STK32A: variants seen among roughly 807,000 people sequenced by gnomAD.
The protein encoded by STK32A is serine/threonine kinase 32A.
In STK32A, 41 loss-of-function variants were observed where a neutral mutation model predicts 53.2. That is an observed-to-expected ratio of 0.77 (90% CI 0.60 to 1.00). The LOEUF is 1.00. STK32A is among the 50% of genes least tolerant of loss of function. STK32A has a pLI of 0.00. For missense variants in STK32A, 458 were observed against 485.8 expected (o/e 0.94, Z 0.54); for synonymous variants, 166 against 162.8 (o/e 1.02, Z -0.15).
intron 4 of STK32A, among the ~76,000 whole-genome samples, chr5:147,305,059 G>A (rs1366394010): frequency 6.6e-6 from 1 of 152,014 alleles, no homozygotes; most frequent in South Asian, 2.1e-4. Flanking sequence ...ACTCCAGCCT[G>A]GGTGACAGGG....
chr5:147,308,601 C>G (rs1315170713), intron 4 of STK32A, among the ~76,000 whole-genome samples: 1 of 152,114 alleles, frequency 6.6e-6, no homozygotes, highest in African/African-American at 2.4e-5. Context: ...ATCTTTGTCT[C>G]TTTTTCCCGA....
At chr5:147,249,588 AT>A (rs1362797403) in intron 2 of STK32A, among the ~76,000 whole-genome samples, 1 of 151,990 alleles carries the variant, frequency 6.6e-6, no homozygotes, top group Admixed American at 6.6e-5. Context: ...TAGAGAACTC[AT>A]TTAAGTTGCT....
chr5:147,325,329 A>G (rs1177954871), intron 5 of STK32A, among the ~76,000 whole-genome samples: 1 of 151,638 alleles, frequency 6.6e-6, no homozygotes, highest in Non-Finnish European at 1.5e-5. Flanking sequence ...ATATATATAT[A>G]TATTAGAGAG....
intron 8 of STK32A, among the ~76,000 whole-genome samples, chr5:147,364,713 T>C (rs2152000075): frequency 6.6e-6 from 1 of 152,286 alleles, no homozygotes. Context: ...GAGAGAGAGA[T>C]AATCTCTTTC....
At chr5:147,400,042 C>G in the STK32A span, among the ~76,000 whole-genome samples, 7 of 151,196 alleles carry the variant, frequency 4.6e-5, no homozygotes, top group African/African-American at 1.7e-4. Flanking sequence ...GTATACATAA[C>G]TTTGATAAGA....
intron 9 of STK32A, among the ~76,000 whole-genome samples, chr5:147,372,269 CTTTTTTTTTTTTTTTTTT>C (rs71274369): frequency 4.5e-4 from 22 of 49,332 alleles, no homozygotes; most frequent in Non-Finnish European, 6.9e-4. Context: ...TGGGCTTGGC[CTTTTTTTTTTTTTTTTTT>C]TTTTTTTTTT....
the STK32A span, among the ~76,000 whole-genome samples, chr5:147,398,698 G>A: frequency 3.3e-5 from 5 of 152,234 alleles, no homozygotes; most frequent in South Asian, 8.3e-4. Context: ...CTGACTTCCG[G>A]AAGTTAGGTA....
chr5:147,323,163 T>C (rs1754401711), intron 4 of STK32A, among the ~76,000 whole-genome samples: 1 of 152,204 alleles, frequency 6.6e-6, no homozygotes, highest in Admixed American at 6.5e-5. Context: ...GGAGCGTAGG[T>C]CCAGCATCGT....
chr5:147,291,590 T>C (rs1306979980), intron 4 of STK32A, among the ~76,000 whole-genome samples: 1 of 150,378 alleles, frequency 6.6e-6, no homozygotes, highest in Non-Finnish European at 1.5e-5. Flanking sequence ...ATGAAAAAAA[T>C]ATCTATTCCA....
chr5:147,278,371 T>C (rs17546805), intron 3 of STK32A, among the ~76,000 whole-genome samples, 192 bp downstream of exon 3: 8,802 of 152,338 alleles, frequency 0.058, 342 homozygotes, highest in Non-Finnish European at 0.089. Flanking sequence ...AGCTACATAA[T>C]GAACATATAC....
chr5:147,319,915 A>G (rs1293907717), intron 4 of STK32A, among the ~76,000 whole-genome samples: 1 of 152,206 alleles, frequency 6.6e-6, no homozygotes, highest in East Asian at 1.9e-4. Context: ...ACAGTTCTGC[A>G]ATAGGAAGTA....
intron 7 of STK32A, among the ~76,000 whole-genome samples, chr5:147,351,762 G>T (rs966689315): frequency 1.3e-5 from 2 of 152,246 alleles, no homozygotes; most frequent in African/African-American, 4.8e-5. Context: ...CAGGAGAATC[G>T]CTTGAATCTG....
At position 147,373,192 on chromosome 5, in the gene STK32A, A is replaced by G. The variant is rs199632498; in HGVS notation, c.801A>G (p.Gln267=). The G allele has an allele frequency of 1.9e-6, 3 of 1,613,394 alleles. No homozygotes were observed. In the African/African-American group the frequency reaches 4.0e-5, roughly 22 times the overall value. Residue 267 remains glutamine, a synonymous_variant, in exon 10 of 13, where the codon CAA becomes CAG. Coordinates refer to ENST00000397936, the MANE Select transcript of STK32A (RefSeq NM_001112724.2). ...LKKLLEPNPD[Q]RFSQLSDVQN... is the part of the protein sequence containing the mutation. ...AGCTACTCGAACCTAATCCAGACCAACGATTTTCTCAGTTATCTGATGTCC... is the reference window on the plus strand; with the variant it reads ...AGCTACTCGAACCTAATCCAGACCAGCGATTTTCTCAGTTATCTGATGTCC...
At chr5:147,324,442 G>C (rs2151978400) in intron 5 of STK32A, among the ~76,000 whole-genome samples, 1 of 152,170 alleles carries the variant, frequency 6.6e-6, no homozygotes, top group African/African-American at 2.4e-5. Flanking sequence ...AAGTTCTTTG[G>C]GAAAAAAGCT....
chr5:147,310,098 T>A (rs1753614698), intron 4 of STK32A, among the ~76,000 whole-genome samples: 1 of 152,134 alleles, frequency 6.6e-6, no homozygotes, highest in African/African-American at 2.4e-5. Flanking sequence ...AACCATTATG[T>A]CGTATTATTC....
the STK32A span, chr5:147,394,123 C>G: frequency 6.2e-7 from 1 of 1,613,854 alleles, no homozygotes; most frequent in Non-Finnish European, 8.5e-7. Flanking sequence ...CACTTGGGTG[C>G]CTACAGTTGG....
At chr5:147,281,540 CCAAT>C (rs758850363) in intron 4 of STK32A, among the ~76,000 whole-genome samples, 7 of 151,736 alleles carry the variant, frequency 4.6e-5, no homozygotes, top group Non-Finnish European at 1.0e-4. Context: ...TCAAATTAAC[CCAAT>C]CAAACAAAGA....
chr5:147,309,606 C>T lies in STK32A; in HGVS notation c.261-14292C>T, dbSNP rs180756694. Reference sequence around the variant, plus strand: ...TGACTAAGTTTGATGAATTGAAAAGCGTAGTTGTAGAAAGGAAACTCAAGA... The same window carrying T: ...TGACTAAGTTTGATGAATTGAAAAGTGTAGTTGTAGAAAGGAAACTCAAGA... On this transcript the variant is annotated intron_variant, in intron 4 of 12. Coordinates refer to ENST00000397936, the MANE Select transcript of STK32A (RefSeq NM_001112724.2). Among the ~76,000 whole-genome samples, 129 of 152,116 alleles carry T rather than the reference C, an allele frequency of 8.5e-4. 2 individuals carry two copies. Among genetic ancestry groups the T allele is most frequent in the Non-Finnish European group, 1.0e-3 (70 of 68,006 alleles).
At chr5:147,380,803 AG>A (rs1291881004) in intron 11 of STK32A, among the ~76,000 whole-genome samples, 1 of 152,234 alleles carries the variant, frequency 6.6e-6, no homozygotes, top group East Asian at 1.9e-4. Flanking sequence ...ATCAGGATTC[AG>A]TATAGAGAGA....
Sources: gnomAD v4.1 joint callset for allele counts (sites outside exome capture counted in the v4.1 genomes callset) on GRCh38, gnomAD v4.1.1 for gene constraint, MANE v1.5 for transcripts, NCBI Gene and HGNC (gene_info 2026-07-23, HGNC 2026-07-21) for gene names.